Variants in PRAG1 observed in about 807,000 individuals in gnomAD.
PRAG1 encodes inactive tyrosine-protein kinase PRAG1.
PRAG1 carries 110 observed loss-of-function variants against 95.6 expected under a neutral mutation model. The ratio of observed to expected loss-of-function variants is 1.15; its 90% CI spans 0.99 to 1.35. The LOEUF (loss-of-function observed/expected upper bound fraction) is 1.35, where lower values mean the gene tolerates loss of function less well. Among genes scored for constraint, PRAG1 ranks in the 40% most tolerant of loss-of-function variants. The pLI is 0.00. For synonymous variants in PRAG1, 1,052 were observed against 819.4 expected (o/e 1.28, Z -4.85); for missense variants, 2,554 against 1,864.7 (o/e 1.37, Z -6.81).
chr8:8,378,478 T>G (rs985556046), intron 2 of PRAG1, among the ~76,000 whole-genome samples: 5 of 152,206 alleles, frequency 3.3e-5, no homozygotes, highest in Non-Finnish European at 5.9e-5. Flanking sequence ...TTTTGTTTAA[T>G]TTTTGCTTTG....
At chr8:8,354,250 A>G (rs1353740691) in intron 3 of PRAG1, among the ~76,000 whole-genome samples, 1 of 152,170 alleles carries the variant, frequency 6.6e-6, no homozygotes, top group Admixed American at 6.5e-5. Flanking sequence ...ACAGACCAGT[A>G]ACAAATAAAG....
intron 3 of PRAG1, among the ~76,000 whole-genome samples, chr8:8,351,381 C>T (rs1347869220): frequency 1.3e-5 from 2 of 152,164 alleles, no homozygotes; most frequent in Non-Finnish European, 2.9e-5. Flanking sequence ...GATTATAATT[C>T]AACATGAGAT....
intron 1 of PRAG1, among the ~76,000 whole-genome samples, chr8:8,386,096 CAAA>C (rs894132420): frequency 2.4e-4 from 37 of 152,328 alleles, no homozygotes; most frequent in African/African-American, 8.9e-4. Flanking sequence ...TCGAATGAAT[CAAA>C]AACACCCTCC....
chr8:8,381,370 A>C (rs112937417), intron 2 of PRAG1, 48 bp downstream of exon 2: 52 of 1,542,776 alleles, frequency 3.4e-5, no homozygotes, highest in Non-Finnish European at 4.2e-5. Flanking sequence ...CAAGTGTTCA[A>C]ACAGGAGCAG....
chr8:8,382,041 T>G (rs1162079507), intron 1 of PRAG1, among the ~76,000 whole-genome samples: 1 of 152,200 alleles, frequency 6.6e-6, no homozygotes, highest in East Asian at 1.9e-4. Flanking sequence ...CTGTAAAAAC[T>G]AAACATAGCC....
chr8:8,383,732 C>T (rs1295836183), intron 1 of PRAG1, among the ~76,000 whole-genome samples: 1 of 152,186 alleles, frequency 6.6e-6, no homozygotes, highest in Non-Finnish European at 1.5e-5. Context: ...TTCTTCTCCT[C>T]CTCCAAATAC....
chr8:8,335,746 G>A (rs574377085), intron 4 of PRAG1, among the ~76,000 whole-genome samples: 1 of 151,734 alleles, frequency 6.6e-6, no homozygotes, highest in African/African-American at 2.4e-5. Flanking sequence ...TTTTTCTCCT[G>A]GCACTCGCTG....
intron 3 of PRAG1, among the ~76,000 whole-genome samples, chr8:8,365,452 G>T (rs547564337): frequency 6.7e-6 from 1 of 149,944 alleles, no homozygotes; most frequent in Non-Finnish European, 1.5e-5. Context: ...GAGAAACCCC[G>T]TCTCTACTAA....
In PRAG1 at chr8:8,376,918, C is replaced by G. The variant is rs748509620; in HGVS notation, c.1491G>C (p.Val497=). The change falls in exon 3 of 6, where the codon GTG becomes GTC. Residue 497 remains valine, a synonymous_variant. Coordinates refer to ENST00000615670, the MANE Select transcript of PRAG1 (RefSeq NM_001080826.3). Reference sequence around the variant, plus strand: ...CAGGCCCTCGTGGCCACTGCACCCCCACTGCAGAGTCAGGGCTGCTCAGGT... The same window carrying G: ...CAGGCCCTCGTGGCCACTGCACCCCGACTGCAGAGTCAGGGCTGCTCAGGT... ...TIYLSSPDSA[V]GVQWPRGPVS... 1.1e-5 allele frequency: 18 copies of G among 1,613,430 alleles called. No individual in the cohort carries two copies. The South Asian group carries it at 1.8e-4, about 16-fold the overall frequency.
At chr8:8,378,105 CT>C in intron 2 of PRAG1, 27 bp from the exon 3 acceptor site, 1 of 1,511,444 alleles carries the variant, frequency 6.6e-7, no homozygotes. Context: ...CGCAAAAAGA[CT>C]TATATTAGAA....
chr8:8,354,019 C>A (rs1351390258), intron 3 of PRAG1, among the ~76,000 whole-genome samples: 3 of 149,954 alleles, frequency 2.0e-5, no homozygotes, highest in African/African-American at 4.9e-5. Flanking sequence ...TTGAAAAAAA[C>A]AAGCAAAATC....
intron 3 of PRAG1, chr8:8,374,443 G>A (rs1716229126): frequency 6.4e-6 from 1 of 155,440 alleles, no homozygotes. Context: ...GTAGGTTCAG[G>A]AGGAGCGTAG....
intron 3 of PRAG1, among the ~76,000 whole-genome samples, chr8:8,346,302 G>C (rs1391494237): frequency 6.6e-6 from 1 of 152,206 alleles, no homozygotes; most frequent in African/African-American, 2.4e-5. Flanking sequence ...ATCATCTACA[G>C]TGAGAGTACA....
intron 4 of PRAG1, among the ~76,000 whole-genome samples, chr8:8,335,527 C>G (rs1049586901): frequency 1.3e-5 from 2 of 151,734 alleles, no homozygotes; most frequent in Admixed American, 6.6e-5. Flanking sequence ...TTATTCCTTT[C>G]TCTGTTGTTT....
chr8:8,380,919 G>C (rs1240037115), intron 2 of PRAG1, among the ~76,000 whole-genome samples: 1 of 146,664 alleles, frequency 6.8e-6, no homozygotes, highest in East Asian at 2.0e-4. Flanking sequence ...TTTTCAGAAA[G>C]ACTTTATCTT....
chr8:8,342,911 T>C (rs1799219536), intron 3 of PRAG1, among the ~76,000 whole-genome samples: 1 of 152,088 alleles, frequency 6.6e-6, no homozygotes, highest in East Asian at 1.9e-4. Flanking sequence ...CTGACTACTT[T>C]AAAATTTAAA....
chr8:8,343,027 T>G (rs2116845305), intron 3 of PRAG1, among the ~76,000 whole-genome samples: 1 of 152,192 alleles, frequency 6.6e-6, no homozygotes, highest in South Asian at 2.1e-4. Context: ...AAAGTACTGG[T>G]AGGCAGAATA....
chr8:8,359,062 A>AC (rs776960016), intron 3 of PRAG1, among the ~76,000 whole-genome samples: 16 of 152,246 alleles, frequency 1.1e-4, no homozygotes, highest in Non-Finnish European at 2.1e-4. Flanking sequence ...AGGTTTAATG[A>AC]AGAGTTATTG....
rs563349917 is a variant in PRAG1, at chr8:8,376,282, C to G, written c.2127G>C (p.Glu709Asp). The stretch of plus-strand genomic sequence containing the variant: ...GAGGCGGAGGAGGAGGTGAGAATGT[C>G]TCAATCCCACTTCTGTCCTTGGGGA... ...FEFPKDRSGI[E>D]TFSPPPPPPK... Residue 709 changes from glutamate to aspartate, a missense_variant, in exon 3 of 6, where the codon GAG becomes GAC. Transcript: ENST00000615670. The G allele has an allele frequency of 6.2e-7, 1 of 1,614,110 alleles. No individual in the cohort carries two copies. Among genetic ancestry groups the G allele is most frequent in the Non-Finnish European group, 8.5e-7 (1 of 1,180,018 alleles).
Sources: gnomAD v4.1 joint callset for allele counts (sites outside exome capture counted in the v4.1 genomes callset) on GRCh38, gnomAD v4.1.1 for gene constraint, MANE v1.5 for transcripts, NCBI Gene and HGNC (gene_info 2026-07-23, HGNC 2026-07-21) for gene names.